The following MIPOL1 variants were observed in gnomAD, a reference collection of about 807,000 sequenced individuals.
The protein encoded by MIPOL1 is mirror-image polydactyly gene 1 protein.
Under a neutral mutation model 60.9 loss-of-function variants are expected in MIPOL1, and 57 were observed. The observed-to-expected ratio is 0.94, with a 90% CI of 0.76 to 1.17. The LOEUF (loss-of-function observed/expected upper bound fraction) is 1.17, where lower values mean the gene tolerates loss of function less well. Among genes scored for constraint, MIPOL1 ranks in the 50% most tolerant of loss-of-function variants. The probability of loss-of-function intolerance (pLI) is 0.00; values close to 1 mark genes in which losing one functional copy is unlikely to be tolerated. For missense variants in MIPOL1, 551 were observed against 511.6 expected (o/e 1.08, Z -0.74); for synonymous variants, 179 against 168.8 (o/e 1.06, Z -0.47).
chr14:37,512,227 T>C (rs759758844), intron 12 of MIPOL1, among the ~76,000 whole-genome samples: 1 of 152,132 alleles, frequency 6.6e-6, no homozygotes, highest in Non-Finnish European at 1.5e-5. Flanking sequence ...TACTGATTTC[T>C]GTAAAGAAAT....
At chr14:37,402,790 G>T (rs2093509998) in intron 10 of MIPOL1, among the ~76,000 whole-genome samples, 2 of 152,134 alleles carry the variant, frequency 1.3e-5, no homozygotes, top group African/African-American at 4.8e-5. Flanking sequence ...AGATTTCCTG[G>T]CTTATTTTTA....
At chr14:37,371,452 T>C (rs1253798824) in intron 10 of MIPOL1, among the ~76,000 whole-genome samples, 1 of 152,138 alleles carries the variant, frequency 6.6e-6, no homozygotes, top group Non-Finnish European at 1.5e-5. Flanking sequence ...ACAAATATAC[T>C]ATATTAAAAT....
intron 1 of MIPOL1, among the ~76,000 whole-genome samples, chr14:37,199,916 G>A (rs538828748): frequency 5.1e-4 from 78 of 152,288 alleles, no homozygotes; most frequent in Non-Finnish European, 8.7e-4. Flanking sequence ...CTACTGAAAA[G>A]TTTTTCATAT....
intron 11 of MIPOL1, among the ~76,000 whole-genome samples, chr14:37,485,463 T>A (rs141657339): frequency 0.018 from 2,741 of 152,284 alleles, 79 homozygotes; most frequent in African/African-American, 0.061. Context: ...TGTAAAAGCA[T>A]TCCTATTTCT....
chr14:37,490,442 C>A (rs1335495990), intron 11 of MIPOL1, among the ~76,000 whole-genome samples: 1 of 152,148 alleles, frequency 6.6e-6, no homozygotes, highest in Non-Finnish European at 1.5e-5. Flanking sequence ...CTTCAGCCCC[C>A]TTTCCAGGGG....
At chr14:37,200,933 A>T (rs1965233614) in intron 1 of MIPOL1, among the ~76,000 whole-genome samples, 2 of 115,908 alleles carry the variant, frequency 1.7e-5, no homozygotes, top group Admixed American at 1.2e-4. Flanking sequence ...GACAAGGTGT[A>T]CCTCTGTCAC....
At chr14:37,230,264 A>G (rs1035990575) in intron 1 of MIPOL1, among the ~76,000 whole-genome samples, 2 of 152,216 alleles carry the variant, frequency 1.3e-5, no homozygotes, top group African/African-American at 4.8e-5. Flanking sequence ...CTCTAACAGG[A>G]CTAAAAATTT....
intron 7 of MIPOL1, among the ~76,000 whole-genome samples, chr14:37,307,675 C>T (rs1043511788): frequency 2.6e-5 from 4 of 151,784 alleles, no homozygotes; most frequent in African/African-American, 9.7e-5. Context: ...CCTTGTTTTA[C>T]TTATGATGGT....
chr14:37,315,113 G>T (rs958995526), intron 9 of MIPOL1, among the ~76,000 whole-genome samples: 1 of 152,128 alleles, frequency 6.6e-6, no homozygotes, highest in Non-Finnish European at 1.5e-5. Context: ...ACTTTAAATA[G>T]GGTGATCAAG....
At chr14:37,333,200 A>T (rs1376408182) in intron 9 of MIPOL1, among the ~76,000 whole-genome samples, 1 of 152,196 alleles carries the variant, frequency 6.6e-6, no homozygotes, top group South Asian at 2.1e-4. Context: ...ATAAATTTTA[A>T]CTTTTTCCAA....
At chr14:37,418,709 A>G (rs1424164298) in intron 10 of MIPOL1, among the ~76,000 whole-genome samples, 2 of 152,110 alleles carry the variant, frequency 1.3e-5, no homozygotes, top group Non-Finnish European at 2.9e-5. Context: ...ATCTTGCAAA[A>G]TAGGGATAAT....
chr14:37,495,766 A>G (rs1311350980), intron 11 of MIPOL1, among the ~76,000 whole-genome samples: 7 of 150,988 alleles, frequency 4.6e-5, no homozygotes, highest in Non-Finnish European at 8.8e-5. Context: ...AAGTGTTCCT[A>G]TTTCTCCACA....
At chr14:37,366,628 G>A (rs141547155) in intron 9 of MIPOL1, among the ~76,000 whole-genome samples, 11 of 152,070 alleles carry the variant, frequency 7.2e-5, no homozygotes, top group South Asian at 6.2e-4. Context: ...TTCTGCGGCC[G>A]TTGGACGAAA....
At chr14:37,253,731 A>T (rs140775365) in intron 3 of MIPOL1, among the ~76,000 whole-genome samples, 202 of 151,872 alleles carry the variant, frequency 1.3e-3, no homozygotes, top group African/African-American at 4.5e-3. Flanking sequence ...AATGTTCAGA[A>T]TATCACTGGA....
chr14:37,315,022 C>A (rs2087724376), intron 9 of MIPOL1, among the ~76,000 whole-genome samples: 1 of 151,940 alleles, frequency 6.6e-6, no homozygotes, highest in Non-Finnish European at 1.5e-5. Context: ...AGTGAACAAA[C>A]AAATAAATAA....
chr14:37,382,927 A>G (rs1228415428), intron 10 of MIPOL1, among the ~76,000 whole-genome samples: 2 of 151,856 alleles, frequency 1.3e-5, no homozygotes, highest in Non-Finnish European at 2.9e-5. Context: ...AAAATTCGAT[A>G]CAAAAAGCAT....
At chr14:37,404,950 T>C (rs1296290003) in intron 10 of MIPOL1, among the ~76,000 whole-genome samples, 1 of 152,202 alleles carries the variant, frequency 6.6e-6, no homozygotes, top group African/African-American at 2.4e-5. Flanking sequence ...TTATTTACTT[T>C]GTGCTTTGCA....
At chr14:37,480,386 TGGTG>T in intron 11 of MIPOL1, among the ~76,000 whole-genome samples, 1 of 152,252 alleles carries the variant, frequency 6.6e-6, no homozygotes, top group Admixed American at 6.5e-5. Flanking sequence ...GATGCAAGGA[TGGTG>T]AAACGTATGC....
chr14:37,392,795 T>C (rs2093280665), intron 10 of MIPOL1, among the ~76,000 whole-genome samples: 1 of 152,192 alleles, frequency 6.6e-6, no homozygotes, highest in Non-Finnish European at 1.5e-5. Flanking sequence ...TTTGAACTTA[T>C]GAAATCAAAA....
Sources: allele counts gnomAD v4.1 joint callset (sites outside exome capture counted in the v4.1 genomes callset), GRCh38; gene constraint gnomAD v4.1.1; transcripts MANE v1.5; gene names NCBI Gene and HGNC (gene_info 2026-07-23, HGNC 2026-07-21).